ELAVL4: variants seen among roughly 807,000 people sequenced by gnomAD.
ELAVL4 encodes ELAV like RNA binding protein 4, also known as ELAV-like protein 4.
A neutral mutation model predicts 35.6 loss-of-function variants in ELAVL4; 1 was observed. The observed-to-expected ratio is 0.03, with a 90% confidence interval of 0.01 to 0.13. The LOEUF is 0.13. Ranked by LOEUF, ELAVL4 falls within the 10% of genes least tolerant of loss-of-function variation. ELAVL4 has a pLI of 1.00. For synonymous variants in ELAVL4, 156 were observed against 171.0 expected, an observed-to-expected ratio of 0.91 and a Z score of 0.69; for missense variants, 267 against 464.9, an observed-to-expected ratio of 0.57 and a Z score of 3.91.
At chr1:50,147,534 A>G (rs373210129) in intron 2 of ELAVL4, among the ~76,000 whole-genome samples, 2 of 151,746 alleles carry the variant, frequency 1.3e-5, no homozygotes, top group Admixed American at 1.3e-4. Flanking sequence ...CTAGCGGAGG[A>G]CCTCCCCGAG....
At chr1:50,173,028 C>T (rs1679314037) in intron 2 of ELAVL4, among the ~76,000 whole-genome samples, 2 of 152,150 alleles carry the variant, frequency 1.3e-5, no homozygotes, top group African/African-American at 2.4e-5. Flanking sequence ...TCTTTTCCCC[C>T]TCTTCCCCCA....
chr1:50,135,974 C>T (rs1671813158), intron 1 of ELAVL4, among the ~76,000 whole-genome samples: 1 of 152,064 alleles, frequency 6.6e-6, no homozygotes. Flanking sequence ...CCCCTTGGGT[C>T]CCATTAATAA....
chr1:50,056,206 G>C (rs1179535230), intron 1 of ELAVL4, among the ~76,000 whole-genome samples: 1 of 152,172 alleles, frequency 6.6e-6, no homozygotes, highest in Non-Finnish European at 1.5e-5. Context: ...TAGTGTTCTA[G>C]AAGTGCCTGG....
intron 1 of ELAVL4, among the ~76,000 whole-genome samples, chr1:50,067,783 A>G (rs915169334): frequency 6.6e-6 from 1 of 152,226 alleles, no homozygotes; most frequent in Non-Finnish European, 1.5e-5. Context: ...ACAGTTCCAC[A>G]TGGCTGTGGA....
intron 1 of ELAVL4, among the ~76,000 whole-genome samples, chr1:50,072,145 A>T (rs1296583555): frequency 6.6e-6 from 1 of 152,234 alleles, no homozygotes; most frequent in East Asian, 1.9e-4. Flanking sequence ...CCATGAGTGC[A>T]GTGAGTAAGA....
At chr1:50,119,221 A>G (rs1350206701) in intron 1 of ELAVL4, among the ~76,000 whole-genome samples, 1 of 152,088 alleles carries the variant, frequency 6.6e-6, no homozygotes, top group Non-Finnish European at 1.5e-5. Flanking sequence ...TACATATTGT[A>G]TGTGATGTGC....
At chr1:50,145,334 T>C (rs2148691638) in intron 2 of ELAVL4, 137 bp downstream of exon 2, 1 of 1,308,700 alleles carries the variant, frequency 7.6e-7, no homozygotes, top group East Asian at 2.4e-5. Flanking sequence ...AGTCATAAAC[T>C]CACACTACAT....
At chr1:50,082,986 G>T (rs1469567547) in intron 1 of ELAVL4, among the ~76,000 whole-genome samples, 1 of 152,138 alleles carries the variant, frequency 6.6e-6, no homozygotes, top group Admixed American at 6.5e-5. Context: ...ATTACCCTGG[G>T]ATTTTGACCT....
At chr1:50,172,434 A>G (rs1314254262) in intron 2 of ELAVL4, among the ~76,000 whole-genome samples, 2 of 152,230 alleles carry the variant, frequency 1.3e-5, no homozygotes, top group Non-Finnish European at 2.9e-5. Flanking sequence ...AAATGGAGTA[A>G]CTAGTTGTGG....
intron 2 of ELAVL4, among the ~76,000 whole-genome samples, chr1:50,157,088 TG>T (rs1284912848): frequency 6.6e-6 from 1 of 152,168 alleles, no homozygotes; most frequent in Non-Finnish European, 1.5e-5. Flanking sequence ...ATCCAACCAT[TG>T]TAAGTCGGGG....
chr1:50,103,795 C>T (rs1346756056), upstream of ELAVL4: 7 of 949,546 alleles, frequency 7.4e-6, no homozygotes, highest in African/African-American at 8.2e-5. Context: ...CTCTACCTTC[C>T]CACCCCATTT....
Position 50,048,183 on chromosome 1 carries a change from G to GT in ELAVL4, c.18+2dup, listed in dbSNP as rs1663166856. 6.6e-7 allele frequency: 1 copy of GT among 1,522,212 alleles called. No homozygotes were observed. The highest frequency in any genetic ancestry group is 8.8e-7 in the Non-Finnish European group (1 of 1,136,206). 94.3% of individuals were successfully genotyped at this position (1,522,212 alleles called of 1,614,324 possible). ...GGGGAAGATGCGCCTCAAGAACCAG[G>GT]TAGAAGCGCCTCGGCGCAGGCCCCG... On this transcript the variant is annotated splice_donor_variant, in intron 1 of 6. Transcript: ENST00000448907. LOFTEE classifies it high-confidence loss of function.
intron 3 of ELAVL4, among the ~76,000 whole-genome samples, chr1:50,190,944 C>A (rs1682575854): frequency 6.6e-6 from 1 of 152,228 alleles, no homozygotes; most frequent in Admixed American, 6.5e-5. Context: ...ACCTTTCTCA[C>A]CACCAGTCTC....
chr1:50,147,743 G>A (rs1437988095), intron 2 of ELAVL4, among the ~76,000 whole-genome samples: 2 of 152,106 alleles, frequency 1.3e-5, no homozygotes, highest in East Asian at 3.9e-4. Flanking sequence ...TCTCGATCCT[G>A]TGAAGTTTAC....
chr1:50,060,278 A>G (rs1392153750), intron 1 of ELAVL4, among the ~76,000 whole-genome samples: 2 of 152,244 alleles, frequency 1.3e-5, no homozygotes, highest in South Asian at 2.1e-4. Context: ...GACCTTTTCA[A>G]GTGTCATCAA....
rs891946606 is a variant in ELAVL4, at chr1:50,108,936, G to C, written c.-254G>C. ...GGAAGCTTCGAGCCAATTTCAGCAA[G>C]GCTCTGTTCAGTTGTTCTTATCTAC... On this transcript the variant is annotated 5_prime_UTR_variant, in exon 1 of 7. Coordinates refer to ENST00000371824, the MANE Select transcript of ELAVL4 (RefSeq NM_001144774.3). 4 of 1,141,120 alleles carry C rather than the reference G, an allele frequency of 3.5e-6. No homozygotes were observed. In the African/African-American group the frequency reaches 6.5e-5, roughly 18 times the overall value. The allele number at this position is 1,141,120 out of a possible 1,614,324, so 70.7% of individuals were successfully genotyped here. A position where few individuals can be genotyped will look rare whatever the true frequency, so the allele number is the denominator to read the frequency against.
upstream of ELAVL4, chr1:50,103,768 A>T (rs1666108628): frequency 1.5e-6 from 1 of 665,840 alleles, no homozygotes. Context: ...GTGTGTGGAT[A>T]TGTGAGTGTC....
At chr1:50,152,432 C>CA (rs1557790351) in intron 2 of ELAVL4, among the ~76,000 whole-genome samples, 16 of 151,352 alleles carry the variant, frequency 1.1e-4, no homozygotes, top group Non-Finnish European at 2.2e-4. Context: ...ACACACACAC[C>CA]CACACATTCA....
intron 1 of ELAVL4, among the ~76,000 whole-genome samples, chr1:50,085,036 G>T (rs529171592): frequency 1.3e-5 from 2 of 152,242 alleles, no homozygotes; most frequent in African/African-American, 4.8e-5. Context: ...AGATCAAAGT[G>T]TAGGAACATT....
Sources: allele counts gnomAD v4.1 joint callset (sites outside exome capture counted in the v4.1 genomes callset), GRCh38; gene constraint gnomAD v4.1.1; transcripts MANE v1.5; gene names NCBI Gene and HGNC (gene_info 2026-07-23, HGNC 2026-07-21).